CCDC7: variants seen among roughly 807,000 people sequenced by gnomAD.
CCDC7 encodes the protein coiled-coil domain containing 7.
In CCDC7, 183 loss-of-function variants were observed where a neutral mutation model predicts 196.9. That is an observed-to-expected ratio of 0.93 (90% CI 0.82 to 1.05). The LOEUF (loss-of-function observed/expected upper bound fraction) is 1.05, where lower values mean the gene tolerates loss of function less well. Ranked by LOEUF, CCDC7 falls within the 50% of genes least tolerant of loss-of-function variation. The pLI, the probability that CCDC7 is intolerant of heterozygous loss-of-function variation, is 0.00. For missense variants in CCDC7, 1,540 were observed against 1,482.2 expected (o/e 1.04, Z -0.64); for synonymous variants, 525 against 484.6 (o/e 1.08, Z -1.10).
At chr10:32,448,207 T>G (rs1378664682), upstream of CCDC7, among the ~76,000 whole-genome samples, 1 of 152,174 alleles carries the variant, frequency 6.6e-6, no homozygotes. Flanking sequence ...TTCGTTCTAT[T>G]GTTCACAACC....
intron 5 of CCDC7, among the ~76,000 whole-genome samples, chr10:32,468,129 A>G (rs2037223071): frequency 6.6e-6 from 1 of 152,110 alleles, no homozygotes; most frequent in Admixed American, 6.5e-5. Flanking sequence ...GAAGAATTTC[A>G]TTGTTAGTTT....
intron 25 of CCDC7, among the ~76,000 whole-genome samples, 187 bp downstream of exon 26, chr10:32,711,917 G>T (rs538463561): frequency 6.6e-6 from 1 of 151,228 alleles, no homozygotes; most frequent in African/African-American, 2.4e-5. Flanking sequence ...ATTTCTTGTC[G>T]TAATATTATT....
chr10:32,493,606 A>G (rs1428253925), intron 9 of CCDC7, among the ~76,000 whole-genome samples: 1 of 151,940 alleles, frequency 6.6e-6, no homozygotes, highest in African/African-American at 2.4e-5. Context: ...TTTTTTGAAG[A>G]ATCTCCATAC....
intron 24 of CCDC7, among the ~76,000 whole-genome samples, chr10:32,702,389 T>C (rs867138877): frequency 1.1e-4 from 17 of 152,332 alleles, no homozygotes; most frequent in African/African-American, 4.1e-4. Flanking sequence ...GAGAGACAGT[T>C]TGTTATAATT....
intron 30 of CCDC7, among the ~76,000 whole-genome samples, chr10:32,814,165 C>T (rs559169155): frequency 2.0e-5 from 3 of 152,180 alleles, no homozygotes; most frequent in South Asian, 4.2e-4. Context: ...ACCATGTTGG[C>T]CAGGATGGTC....
intron 32 of CCDC7, among the ~76,000 whole-genome samples, chr10:32,830,346 A>G (rs1487101351): frequency 6.6e-6 from 1 of 151,040 alleles, no homozygotes; most frequent in African/African-American, 2.4e-5. Flanking sequence ...TTTGCTATCT[A>G]AAAAGCCCAA....
At chr10:32,559,248 C>G (rs1325516712) in intron 13 of CCDC7, among the ~76,000 whole-genome samples, 1 of 152,226 alleles carries the variant, frequency 6.6e-6, no homozygotes, top group African/African-American at 2.4e-5. Flanking sequence ...GGGCAGGGCA[C>G]AGACAAACAA....
At chr10:32,505,155 A>G (rs981553340) in intron 9 of CCDC7, among the ~76,000 whole-genome samples, 1 of 150,914 alleles carries the variant, frequency 6.6e-6, no homozygotes, top group African/African-American at 2.4e-5. Flanking sequence ...AATTTTTTTT[A>G]TGCCCAGCTA....
At chr10:32,752,594 G>A (rs757850998) in intron 28 of CCDC7, among the ~76,000 whole-genome samples, 5 of 152,054 alleles carry the variant, frequency 3.3e-5, no homozygotes, top group African/African-American at 1.2e-4. Flanking sequence ...TCAAATAATG[G>A]CTTAATATAT....
At chr10:32,613,056 C>T (rs188113999) in intron 18 of CCDC7, among the ~76,000 whole-genome samples, 3 of 151,940 alleles carry the variant, frequency 2.0e-5, no homozygotes, top group East Asian at 3.9e-4. Context: ...TGGTCCTGAA[C>T]GTTTTTGGTT....
At chr10:32,447,759 G>A (rs539920499), upstream of CCDC7, among the ~76,000 whole-genome samples, 2 of 152,180 alleles carry the variant, frequency 1.3e-5, no homozygotes, top group Admixed American at 1.3e-4. Flanking sequence ...AAAATTAGCC[G>A]GACGTGGCAG....
At chr10:32,843,259 TATAA>T (rs143895724) in intron 33 of CCDC7, among the ~76,000 whole-genome samples, 51,577 of 151,492 alleles carry the variant, frequency 0.34, 11,151 homozygotes, top group Non-Finnish European at 0.49. Flanking sequence ...CACAGTATTA[TATAA>T]ATAATTAATC....
intron 30 of CCDC7, among the ~76,000 whole-genome samples, chr10:32,810,294 A>G (rs1053107198): frequency 4.6e-5 from 7 of 152,178 alleles, no homozygotes; most frequent in Middle Eastern, 3.2e-3. Flanking sequence ...CTGTAAAGAA[A>G]CATATAGACT....
At chr10:32,506,844 C>T (rs373164068) in intron 9 of CCDC7, among the ~76,000 whole-genome samples, 25 of 151,700 alleles carry the variant, frequency 1.6e-4, no homozygotes, top group South Asian at 2.1e-4. Flanking sequence ...AGAGGGAGAC[C>T]GTAGAAAGAA....
At chr10:32,861,422 A>G (rs1321113096) in intron 41 of CCDC7, among the ~76,000 whole-genome samples, 1 of 152,060 alleles carries the variant, frequency 6.6e-6, no homozygotes, top group African/African-American at 2.4e-5. Flanking sequence ...AAAATTAACT[A>G]AAGATGGATT....
At chr10:32,455,418 G>A (rs970667647) in intron 2 of CCDC7, among the ~76,000 whole-genome samples, 4 of 151,960 alleles carry the variant, frequency 2.6e-5, no homozygotes, top group South Asian at 2.1e-4. Context: ...GGATTCAAGC[G>A]CTTTTCGTGC....
intron 7 of CCDC7, 54 bp from the exon 9 acceptor site, chr10:32,473,913 A>G: frequency 6.7e-7 from 1 of 1,487,930 alleles, no homozygotes; most frequent in Non-Finnish European, 9.1e-7. Flanking sequence ...AAACTCAATT[A>G]GTATATATAA....
intron 11 of CCDC7, among the ~76,000 whole-genome samples, chr10:32,523,680 C>T (rs1280623799): frequency 6.6e-6 from 1 of 152,046 alleles, no homozygotes; most frequent in Non-Finnish European, 1.5e-5. Flanking sequence ...TATATATTTA[C>T]AATCATTATA....
chr10:32,727,678 A>G (rs1010748407), intron 26 of CCDC7, among the ~76,000 whole-genome samples: 1 of 152,066 alleles, frequency 6.6e-6, no homozygotes, highest in Non-Finnish European at 1.5e-5. Flanking sequence ...TTTGCCATAA[A>G]TTGCTTTTGT....
Sources: gnomAD v4.1 joint callset for allele counts (sites outside exome capture counted in the v4.1 genomes callset) on GRCh38, gnomAD v4.1.1 for gene constraint, MANE v1.5 for transcripts, NCBI Gene and HGNC (gene_info 2026-07-23, HGNC 2026-07-21) for gene names.